The following ZNF283 variants were observed in gnomAD, a reference collection of about 807,000 sequenced individuals.
ZNF283 encodes the protein zinc finger protein 41.
In ZNF283, 10 loss-of-function variants were observed where a neutral mutation model predicts 9.2. The ratio of observed to expected loss-of-function variants is 1.09; its 90% CI spans 0.67 to 1.85. The LOEUF (loss-of-function observed/expected upper bound fraction) is 1.85, where lower values mean the gene tolerates loss of function less well. Among genes scored for constraint, ZNF283 ranks in the 40% most tolerant of loss-of-function variants. ZNF283 has a pLI of 0.00. For missense variants in ZNF283, 631 were observed against 760.1 expected (o/e 0.83, Z 2.00); for synonymous variants, 234 against 244.1 (o/e 0.96, Z 0.38).
chr19:43,844,020 G>C (rs2146573752), intron 6 of ZNF283, among the ~76,000 whole-genome samples: 1 of 152,236 alleles, frequency 6.6e-6, no homozygotes, highest in Admixed American at 6.5e-5. Flanking sequence ...TGCAGAAGCA[G>C]ATATGAGAAT....
rs769560949 is a variant in ZNF283, at chr19:43,848,083, G to A, written c.1482G>A (p.Lys494=). The part of the protein sequence containing the change: ...EKSHECKECG[K]TFCSGYQLTR... ...CCCATGAATGTAAAGAATGCGGAAA[G>A]ACCTTTTGTAGTGGGTATCAACTTA... The change falls in exon 7 of 7, where the codon AAG becomes AAA. Residue 494 remains lysine, a synonymous_variant. Coordinates refer to ENST00000618787, the MANE Select transcript of ZNF283 (RefSeq NM_181845.2). 1.9e-6 allele frequency: 3 copies of A among 1,612,996 alleles called. No homozygotes were observed. The highest frequency in any genetic ancestry group is 2.5e-6 in the Non-Finnish European group (3 of 1,179,722).
rs772137582 is a variant in ZNF283 at position 43,848,586 on chromosome 19, C to T, written c.1985C>T (p.Ala662Val). ...TACAAATATAACGAATGTGGGGAAG[C>T]CTTTCTGTGGACAACTTACTCAAAT... ...KPYKYNECGE[A>V]FLWTTYSNEK... Residue 662 changes from alanine to valine, a missense_variant, in exon 7 of 7, where the codon GCC (alanine) becomes GTC (valine). Ala to Val is a moderately conservative substitution (Grantham distance 64, BLOSUM62 0). Around this residue, in one of 3 missense-constraint regions of ZNF283, gnomAD observed 444 missense variants for 522.5 expected, o/e 0.85. Coordinates refer to ENST00000618787, the MANE Select transcript of ZNF283 (RefSeq NM_181845.2). 1 of 1,587,222 alleles carries T rather than the reference C, an allele frequency of 6.3e-7. No homozygotes were observed. The highest frequency in any genetic ancestry group is 1.7e-5 in the Admixed American group (1 of 58,244).
In ZNF283 at chr19:43,851,295, T is replaced by C. The variant is rs1020733927; in HGVS notation, c.*2654T>C. On this transcript the variant is annotated 3_prime_UTR_variant, in exon 7 of 7. Coordinates refer to ENST00000618787, the MANE Select transcript of ZNF283 (RefSeq NM_181845.2). ...ATCTCAAGGAATCACCAGTGCTTAC[T>C]AGTACTTGACAATGAAGGAGGATTT... The C allele has an allele frequency of 2.0e-5, 3 of 152,048 alleles. No homozygotes were observed. Among genetic ancestry groups the C allele is most frequent in the Non-Finnish European group, 4.4e-5 (3 of 68,024 alleles). The allele number at this position is 152,048 out of a possible 1,614,324, so 9.4% of individuals were successfully genotyped here.
At chr19:43,843,211 C>T (rs1365518355) in intron 6 of ZNF283, among the ~76,000 whole-genome samples, 3 of 152,218 alleles carry the variant, frequency 2.0e-5, no homozygotes, top group Non-Finnish European at 2.9e-5. Context: ...CATGGTGGCA[C>T]GCGCCTGTAG....
In ZNF283 at chr19:43,850,198, A is replaced by G. The variant is rs1971567313; in HGVS notation, c.*1557A>G. 1 of 152,222 alleles carries G rather than the reference A, an allele frequency of 6.6e-6. No homozygotes were observed. Among genetic ancestry groups the G allele is most frequent in the Admixed American group, 6.5e-5 (1 of 15,282 alleles). The allele number at this position is 152,222 out of a possible 1,614,324, so 9.4% of individuals were successfully genotyped here. On this transcript the variant is annotated 3_prime_UTR_variant, in exon 7 of 7. Coordinates refer to ENST00000618787, the MANE Select transcript of ZNF283 (RefSeq NM_181845.2). Reference sequence around the variant, plus strand: ...CTCCTTCACATTTCTCGTAACATGAAGTTGGAAATAGAGGCTTAAACATTT... The same window carrying G: ...CTCCTTCACATTTCTCGTAACATGAGGTTGGAAATAGAGGCTTAAACATTT...
At chr19:43,831,465 C>T in intron 3 of ZNF283, 84 bp downstream of exon 3, 1 of 1,074,832 alleles carries the variant, frequency 9.3e-7, no homozygotes. Flanking sequence ...ATATATTCCT[C>T]CTGTCACTCA....
intron 6 of ZNF283, among the ~76,000 whole-genome samples, chr19:43,839,521 T>G (rs991413633): frequency 1.3e-5 from 2 of 152,268 alleles, no homozygotes; most frequent in Admixed American, 6.5e-5. Context: ...TTTCTTCAAA[T>G]TTTTTTCTCT....
In ZNF283 at chr19:43,848,393, TC is replaced by T; in HGVS notation, c.1793del (p.Ser598PhefsTer84). 6.2e-7 allele frequency: 1 copy of T among 1,613,450 alleles called. No homozygotes were observed. Among genetic ancestry groups the T allele is most frequent in the Non-Finnish European group, 8.5e-7 (1 of 1,179,786 alleles). The stretch of plus-strand genomic sequence containing the variant: ...TGAGAGAGTCCATACTAATGAGAAG[TC>T]TTATGAATGTAAAGACTGTGGGAAG... ...KHERVHTNEK[S>X]YECKDCGKAF... On this transcript the variant is annotated frameshift_variant, in exon 7 of 7. Transcript: ENST00000618787. LOFTEE classifies it low-confidence loss of function (END_TRUNC).
chr19:43,847,738 AT>A lies in ZNF283; in HGVS notation c.1138del (p.Cys380ValfsTer207). 6 of 1,613,764 alleles carry A rather than the reference AT, an allele frequency of 3.7e-6. No individual in the cohort carries two copies. Among genetic ancestry groups the A allele is most frequent in the Non-Finnish European group, 5.1e-6 (6 of 1,179,880 alleles). ...GTAAGAAACCTTATGAATGTAAAATATGTGGAAAGGCTTTTTGTTGGGGCTA... is the reference window on the plus strand; with the variant it reads ...GTAAGAAACCTTATGAATGTAAAATAGTGGAAAGGCTTTTTGTTGGGGCTA... ...TGKKPYECKI[C>X]GKAFCWGYQL... is the part of the protein sequence containing the mutation. On this transcript the variant is annotated frameshift_variant, in exon 7 of 7. Transcript: ENST00000618787. LOFTEE classifies it low-confidence loss of function (END_TRUNC).
Position 43,847,812 on chromosome 19 carries a change from A to G in ZNF283, c.1211A>G (p.Glu404Gly), listed in dbSNP as rs761151399. The G allele has an allele frequency of 3.7e-6, 6 of 1,613,824 alleles. No individual in the cohort carries two copies. The highest frequency in any genetic ancestry group is 1.7e-4 in the Middle Eastern group (1 of 6,060). Reference protein sequence around the residue: ...QIFHTGEKPYECKECGKAFNC... With the variant: ...QIFHTGEKPYGCKECGKAFNC... ...TTTCATACTGGTGAGAAACCCTATG[A>G]ATGCAAGGAATGTGGGAAGGCTTTT... Residue 404 changes from glutamate (E) to glycine (G), a missense_variant, in exon 7 of 7, where the codon GAA becomes GGA. By Grantham distance (98) the Glu-to-Gly change is moderately conservative. Coordinates refer to ENST00000618787, the MANE Select transcript of ZNF283 (RefSeq NM_181845.2).
At chr19:43,829,246 G>A (rs977188355) in intron 2 of ZNF283, among the ~76,000 whole-genome samples, 4 of 152,094 alleles carry the variant, frequency 2.6e-5, no homozygotes, top group African/African-American at 7.2e-5. Context: ...TTAGCTGGGC[G>A]TAGTGGTAGG....
chr19:43,843,625 G>A (rs532226455), intron 6 of ZNF283, among the ~76,000 whole-genome samples: 1 of 152,266 alleles, frequency 6.6e-6, no homozygotes. Context: ...ATTAACATGT[G>A]ATTTTTTGAT....
At chr19:43,836,163 T>C (rs1235678837) in intron 5 of ZNF283, among the ~76,000 whole-genome samples, 1 of 152,160 alleles carries the variant, frequency 6.6e-6, no homozygotes, top group African/African-American at 2.4e-5. Flanking sequence ...GCTCATATAT[T>C]GGAGGATAAA....
In ZNF283 at chr19:43,838,366, C is replaced by T. The variant is rs369010199; in HGVS notation, c.337+1187C>T. On this transcript the variant is annotated intron_variant, in intron 6 of 6. Transcript: ENST00000618787. ...AACTGGGCACAGTGGTGGCTCACAC[C>T]TGTAATCCCAGCACTTTGGGAAGCT... 1.8e-4 allele frequency among the ~76,000 whole-genome samples: 27 copies of T among 152,300 alleles called. No individual in the cohort carries two copies. The East Asian group carries it at 3.3e-3, about 19-fold the overall frequency.
intron 5 of ZNF283, among the ~76,000 whole-genome samples, chr19:43,835,994 ACT>A (rs1970963788): frequency 1.3e-5 from 2 of 152,228 alleles, no homozygotes; most frequent in South Asian, 2.1e-4. Flanking sequence ...TTGTATCAGT[ACT>A]CTCTAACTCA....
chr19:43,831,816 A>G (rs188864563), intron 3 of ZNF283, among the ~76,000 whole-genome samples: 3 of 152,224 alleles, frequency 2.0e-5, no homozygotes, highest in East Asian at 1.9e-4. Context: ...TTTGATAGAG[A>G]TGGGGTTTCA....
intron 6 of ZNF283, among the ~76,000 whole-genome samples, chr19:43,842,842 C>G (rs1443834898): frequency 1.3e-5 from 2 of 152,164 alleles, no homozygotes; most frequent in Non-Finnish European, 2.9e-5. Context: ...CCTCCACACA[C>G]AAAGAAAATG....
At chr19:43,835,662 C>T in intron 5 of ZNF283, 70 bp downstream of exon 5, 1 of 1,269,140 alleles carries the variant, frequency 7.9e-7, no homozygotes, top group South Asian at 1.3e-5. Context: ...CATTAATTTT[C>T]CTTAGACCTA....
At position 43,837,044 on chromosome 19, in the gene ZNF283, T is replaced by C; in HGVS notation, c.211-9T>C. ...ATTTCACAAGTAATACATGGGTTTT[T>C]GGTTTTAGGGGTTGGTGACATTCAG... On this transcript the variant is annotated splice_polypyrimidine_tract_variant and intron_variant, in intron 5 of 6. Transcript: ENST00000618787. 1 of 1,613,852 alleles carries C rather than the reference T, an allele frequency of 6.2e-7. No homozygotes were observed. The highest frequency in any genetic ancestry group is 1.1e-5 in the South Asian group (1 of 91,026).
Sources: allele counts gnomAD v4.1 joint callset (sites outside exome capture counted in the v4.1 genomes callset), GRCh38; gene constraint gnomAD v4.1.1; regional missense constraint gnomAD v4.1.1; transcripts MANE v1.5; gene names NCBI Gene and HGNC (gene_info 2026-07-23, HGNC 2026-07-21).